Variants in DCC observed in about 807,000 individuals in gnomAD.
DCC encodes DCC netrin 1 receptor.
In DCC, 58 loss-of-function variants were observed where a neutral mutation model predicts 172.5. The observed-to-expected ratio is 0.34, with a 90% CI of 0.27 to 0.42. DCC has a LOEUF of 0.42. Ranked by LOEUF, DCC falls within the 10% of genes least tolerant of loss-of-function variation. The probability of loss-of-function intolerance (pLI) is 1.00; values close to 1 mark genes in which losing one functional copy is unlikely to be tolerated. For synonymous variants in DCC, 709 were observed against 644.5 expected (o/e 1.10, Z -1.52); for missense variants, 1,740 against 1,791.0 (o/e 0.97, Z 0.51).
At chr18:52,993,826 T>A (rs2041434721) in intron 5 of DCC, among the ~76,000 whole-genome samples, 1 of 152,140 alleles carries the variant, frequency 6.6e-6, no homozygotes, top group Non-Finnish European at 1.5e-5. Context: ...GATTTTTTTT[T>A]TCATGTTACA....
At chr18:52,971,888 A>T (rs2041036281) in intron 5 of DCC, among the ~76,000 whole-genome samples, 1 of 152,148 alleles carries the variant, frequency 6.6e-6, no homozygotes, top group Non-Finnish European at 1.5e-5. Flanking sequence ...TAGTCTCCAT[A>T]CACAACAAAC....
chr18:53,367,813 G>A (rs1426595379), intron 15 of DCC, among the ~76,000 whole-genome samples: 1 of 152,076 alleles, frequency 6.6e-6, no homozygotes, highest in Non-Finnish European at 1.5e-5. Context: ...CTTAGCATAA[G>A]GGCCTGAAGA....
chr18:53,505,275 GCTGACAT>G (rs757272042), intron 27 of DCC: 22 of 152,148 alleles, frequency 1.4e-4, no homozygotes, highest in South Asian at 6.2e-4. Context: ...GAAGCCAGGG[GCTGACAT>G]CTGACATCTG....
At position 53,261,918 on chromosome 18, in the gene DCC, G is replaced by A. The variant is rs193211900; in HGVS notation, c.1912-43660G>A. ...CCCAGAGCTATCAGCACCTGGGAAC[G>A]TTTCTCAGAAGAAATGTTTAATAGG... On this transcript the variant is annotated intron_variant, in intron 12 of 28. Transcript: ENST00000442544. 3.8e-3 allele frequency among the ~76,000 whole-genome samples: 584 copies of A among 152,250 alleles called. 4 individuals are homozygous for A. Among genetic ancestry groups the A allele is most frequent in the South Asian group, 5.8e-3 (28 of 4,830 alleles).
At chr18:53,407,449 T>C (rs1398460096) in intron 19 of DCC, among the ~76,000 whole-genome samples, 9 of 148,162 alleles carry the variant, frequency 6.1e-5, no homozygotes, top group African/African-American at 2.2e-4. Flanking sequence ...TAATAGAATA[T>C]ATACATATAT....
intron 5 of DCC, among the ~76,000 whole-genome samples, chr18:52,945,850 T>C (rs2040536835): frequency 6.6e-6 from 1 of 152,168 alleles, no homozygotes. Flanking sequence ...TAGAAATAGC[T>C]TCAATTCGTG....
At chr18:52,582,363 C>T (rs1428389137) in intron 1 of DCC, among the ~76,000 whole-genome samples, 1 of 152,174 alleles carries the variant, frequency 6.6e-6, no homozygotes, top group African/African-American at 2.4e-5. Flanking sequence ...TTCTCTCATG[C>T]TGATGTAAAA....
At chr18:52,903,040 G>T (rs969336692) in intron 2 of DCC, among the ~76,000 whole-genome samples, 2 of 152,068 alleles carry the variant, frequency 1.3e-5, no homozygotes, top group African/African-American at 4.8e-5. Context: ...CCCAGCCTTT[G>T]TATCGAATTC....
At chr18:52,861,135 C>T (rs1050749411) in intron 2 of DCC, among the ~76,000 whole-genome samples, 4 of 152,082 alleles carry the variant, frequency 2.6e-5, no homozygotes, top group African/African-American at 7.2e-5. Flanking sequence ...AGACTGTGCC[C>T]GTAACACTTA....
chr18:52,996,330 T>A (rs1378601158), intron 5 of DCC, among the ~76,000 whole-genome samples: 1 of 152,046 alleles, frequency 6.6e-6, no homozygotes, highest in East Asian at 1.9e-4. Flanking sequence ...TAATTGCATG[T>A]CTGAGGAAAA....
Position 52,576,508 on chromosome 18 carries a change from A to C in DCC, c.92-175546A>C, listed in dbSNP as rs115295703. ...TTTGCTTCCTCCAACCTCATGTTTTACTACCTCTGGTTCATTCCTAAAGAA... is the reference window on the plus strand; with the variant it reads ...TTTGCTTCCTCCAACCTCATGTTTTCCTACCTCTGGTTCATTCCTAAAGAA... On this transcript the variant is annotated intron_variant, in intron 1 of 28. Transcript: ENST00000442544. Among the ~76,000 whole-genome samples, 691 of 152,290 alleles carry C rather than the reference A, an allele frequency of 4.5e-3. 5 individuals are homozygous for C. Among genetic ancestry groups the C allele is most frequent in the African/African-American group, 0.015 (635 of 41,556 alleles).
chr18:52,370,768 A>G (rs912090109), intron 1 of DCC, among the ~76,000 whole-genome samples: 3 of 152,262 alleles, frequency 2.0e-5, no homozygotes, highest in Non-Finnish European at 4.4e-5. Context: ...AAGCAATAAG[A>G]TTGAATAATA....
intron 5 of DCC, among the ~76,000 whole-genome samples, chr18:52,931,293 T>C (rs1307519399): frequency 1.3e-5 from 2 of 152,142 alleles, no homozygotes; most frequent in Non-Finnish European, 2.9e-5. Flanking sequence ...AGAAAAGAAC[T>C]TTATTATCAA....
chr18:53,104,796 T>C (rs965424832), intron 7 of DCC, among the ~76,000 whole-genome samples: 1 of 152,002 alleles, frequency 6.6e-6, no homozygotes, highest in East Asian at 1.9e-4. Flanking sequence ...TCAGTGATCT[T>C]GTTAAGTCAT....
intron 5 of DCC, among the ~76,000 whole-genome samples, chr18:52,956,559 A>C (rs2145559325): frequency 6.6e-6 from 1 of 152,076 alleles, no homozygotes. Flanking sequence ...TTACCCTTAA[A>C]TATTAGGTTT....
At chr18:52,410,478 G>A (rs1473191197) in intron 1 of DCC, among the ~76,000 whole-genome samples, 2 of 152,128 alleles carry the variant, frequency 1.3e-5, no homozygotes, top group African/African-American at 4.8e-5. Flanking sequence ...AAGTTTTGGT[G>A]TTTTTGTTCC....
At chr18:53,478,048 G>GGAATAACACCAGTGAGGGTGAAGGATACA (rs1458860520) in intron 25 of DCC, among the ~76,000 whole-genome samples, 1 of 152,206 alleles carries the variant, frequency 6.6e-6, no homozygotes, top group African/African-American at 2.4e-5. Context: ...AGTGCTTTCT[G>GGAATAACACCAGTGAGGGTGAAGGATACA]GAATAACACC....
rs1240380503 is a variant in DCC, at chr18:53,435,185, T to C, written c.3205T>C (p.Leu1069=). The C allele has an allele frequency of 2.5e-6, 4 of 1,608,686 alleles. No individual in the cohort carries two copies. The African/African-American group carries it at 5.3e-5, about 22-fold the overall frequency. Reference sequence around the variant, plus strand: ...AGGTTATTGGCCAGTTGATACTAATTTGATTGATAGAAGCACCCTAAATGG... The same window carrying C: ...AGGTTATTGGCCAGTTGATACTAATCTGATTGATAGAAGCACCCTAAATGG... The part of the protein sequence containing the change: ...DGGYWPVDTN[L]IDRSTLNEPP... Residue 1069 remains leucine, a synonymous_variant, in exon 22 of 29, where the codon TTG becomes CTG. Coordinates refer to ENST00000442544, the MANE Select transcript of DCC (RefSeq NM_005215.4).
intron 2 of DCC, among the ~76,000 whole-genome samples, chr18:52,850,585 C>G (rs1950570144): frequency 6.6e-6 from 1 of 150,904 alleles, no homozygotes; most frequent in African/African-American, 2.5e-5. Flanking sequence ...TGTGTAGCAT[C>G]TTGAAAAGAC....
Sources: allele counts gnomAD v4.1 joint callset (sites outside exome capture counted in the v4.1 genomes callset), GRCh38; gene constraint gnomAD v4.1.1; transcripts MANE v1.5; gene names NCBI Gene and HGNC (gene_info 2026-07-23, HGNC 2026-07-21).